Variants in ERBB4 observed in about 807,000 individuals in gnomAD.
ERBB4 encodes receptor tyrosine-protein kinase erbB-4.
A neutral mutation model predicts 158.0 loss-of-function variants in ERBB4; 42 were observed. The observed-to-expected ratio is 0.27, with a 90% CI of 0.21 to 0.34. The LOEUF is 0.34. Ranked by LOEUF, ERBB4 falls within the 10% of genes least tolerant of loss-of-function variation. The pLI is 1.00. For synonymous variants in ERBB4, 583 were observed against 558.7 expected (o/e 1.04, Z -0.61); for missense variants, 1,333 against 1,624.1 (o/e 0.82, Z 3.08).
chr2:212,513,602 G>C (rs186381949), intron 1 of ERBB4, among the ~76,000 whole-genome samples: 1 of 152,202 alleles, frequency 6.6e-6, no homozygotes, highest in East Asian at 1.9e-4. Flanking sequence ...CAAGAGGTCA[G>C]GAGATCGAGA....
In ERBB4 at chr2:211,702,084, T is replaced by C; in HGVS notation, c.1372A>G (p.Ile458Val). The C allele has an allele frequency of 6.2e-7, 1 of 1,614,034 alleles. No homozygotes were observed. The highest frequency in any genetic ancestry group is 8.5e-7 in the Non-Finnish European group (1 of 1,179,900). ...AGGTTGCTGTTGTCAGTAATATAGA[T>C]GTTTCCTGCGCTGATTTCCTTCAGG... ...QSLKEISAGN[I>V]YITDNSNLCY... The change falls in exon 12 of 28, where the codon ATC (isoleucine) becomes GTC (valine). Residue 458 changes from isoleucine to valine, a missense_variant. Transcript: ENST00000342788.
intron 1 of ERBB4, among the ~76,000 whole-genome samples, chr2:212,394,406 T>C (rs1460535059): frequency 6.6e-6 from 1 of 152,102 alleles, no homozygotes; most frequent in African/African-American, 2.4e-5. Flanking sequence ...TAGGAATTAT[T>C]AACCATTTTG....
At chr2:212,057,567 T>C (rs938237965) in intron 2 of ERBB4, among the ~76,000 whole-genome samples, 1 of 151,974 alleles carries the variant, frequency 6.6e-6, no homozygotes, top group African/African-American at 2.4e-5. Flanking sequence ...GAACAGAAAT[T>C]ATAACAAACT....
chr2:211,978,546 C>G (rs554075459), intron 2 of ERBB4, among the ~76,000 whole-genome samples: 1 of 152,086 alleles, frequency 6.6e-6, no homozygotes, highest in African/African-American at 2.4e-5. Context: ...ACCTTAGTCT[C>G]CCAAGTAGCT....
At chr2:212,218,841 A>G (rs1322829177) in intron 1 of ERBB4, among the ~76,000 whole-genome samples, 1 of 151,388 alleles carries the variant, frequency 6.6e-6, no homozygotes, top group Non-Finnish European at 1.5e-5. Context: ...AATATATAGA[A>G]TGGGGATATT....
chr2:212,507,787 A>G (rs2106265729), intron 1 of ERBB4, among the ~76,000 whole-genome samples: 1 of 152,328 alleles, frequency 6.6e-6, no homozygotes, highest in East Asian at 1.9e-4. Context: ...TATACTATAA[A>G]CATGGTTGAA....
chr2:212,293,762 T>A (rs2086293036), intron 1 of ERBB4, among the ~76,000 whole-genome samples: 1 of 146,338 alleles, frequency 6.8e-6, no homozygotes, highest in Non-Finnish European at 1.5e-5. Flanking sequence ...GCAGGGGAAT[T>A]GCTTGAACCT....
intron 2 of ERBB4, among the ~76,000 whole-genome samples, chr2:211,957,258 A>C (rs1168728147): frequency 1.3e-5 from 2 of 152,082 alleles, no homozygotes; most frequent in Non-Finnish European, 2.9e-5. Flanking sequence ...CTAATCCAAT[A>C]TAACCAGTGT....
chr2:212,387,875 A>G (rs2106429407), intron 1 of ERBB4, among the ~76,000 whole-genome samples: 1 of 152,272 alleles, frequency 6.6e-6, no homozygotes, highest in East Asian at 1.9e-4. Context: ...GATTAACGGC[A>G]AAGATGGCTG....
chr2:212,057,593 G>A (rs949752263), intron 2 of ERBB4, among the ~76,000 whole-genome samples: 1 of 152,186 alleles, frequency 6.6e-6, no homozygotes, highest in Admixed American at 6.5e-5. Context: ...TCAGACCACA[G>A]TGCAATCAAA....
chr2:212,476,604 T>A (rs1036934833), intron 1 of ERBB4, among the ~76,000 whole-genome samples: 8 of 152,178 alleles, frequency 5.3e-5, no homozygotes, highest in African/African-American at 7.2e-5. Flanking sequence ...TTAGATTGTA[T>A]GTCTCAGTTT....
intron 1 of ERBB4, among the ~76,000 whole-genome samples, chr2:212,443,480 T>C (rs1234328998): frequency 6.6e-6 from 1 of 152,214 alleles, no homozygotes; most frequent in Non-Finnish European, 1.5e-5. Context: ...GTTGCTGCAC[T>C]TGGCCCCTCC....
chr2:212,321,600 G>T (rs2087570484), intron 1 of ERBB4, among the ~76,000 whole-genome samples: 1 of 150,402 alleles, frequency 6.6e-6, no homozygotes, highest in African/African-American at 2.4e-5. Context: ...TGGAAGCTGA[G>T]ATCACTTGCA....
intron 4 of ERBB4, among the ~76,000 whole-genome samples, chr2:211,768,115 G>C (rs2075599804): frequency 6.6e-6 from 1 of 152,176 alleles, no homozygotes; most frequent in South Asian, 2.1e-4. Context: ...GGCTCCAGGT[G>C]CCATTCAAGT....
intron 2 of ERBB4, among the ~76,000 whole-genome samples, chr2:211,986,662 T>C (rs949867586): frequency 6.6e-6 from 1 of 152,188 alleles, no homozygotes; most frequent in African/African-American, 2.4e-5. Context: ...AATTCTTTAC[T>C]GTAATTTTCT....
chr2:211,619,645 C>T lies in ERBB4; in HGVS notation c.2203-370G>A, dbSNP rs541171083. On this transcript the variant is annotated intron_variant, in intron 18 of 27. Coordinates refer to ENST00000342788, the MANE Select transcript of ERBB4 (RefSeq NM_005235.3). ...GATGGTTGCTCTACTTTTTGAAGCT[C>T]AGTTGTATCATCTGTAATTTAGAAG... is the stretch of plus-strand genomic sequence containing the variant. 6.6e-5 allele frequency among the ~76,000 whole-genome samples: 10 copies of T among 152,076 alleles called. No individual in the cohort carries two copies. In the South Asian group the frequency reaches 2.1e-3, roughly 32 times the overall value.
intron 3 of ERBB4, among the ~76,000 whole-genome samples, chr2:211,828,410 T>G (rs1199014597): frequency 5.9e-5 from 9 of 152,122 alleles, no homozygotes; most frequent in Admixed American, 5.9e-4. Flanking sequence ...CAAATTTTCT[T>G]CCAGAGCCTG....
At chr2:211,977,011 A>G (rs918173505) in intron 2 of ERBB4, among the ~76,000 whole-genome samples, 1 of 152,212 alleles carries the variant, frequency 6.6e-6, no homozygotes, top group Non-Finnish European at 1.5e-5. Context: ...TTATGTAAAT[A>G]TGATTTAAGA....
intron 1 of ERBB4, among the ~76,000 whole-genome samples, chr2:212,376,737 T>G (rs1393322687): frequency 6.6e-6 from 1 of 152,036 alleles, no homozygotes; most frequent in African/African-American, 2.4e-5. Flanking sequence ...CCTCAGTTTT[T>G]TAGGAATGGA....
Sources: allele counts gnomAD v4.1 joint callset (sites outside exome capture counted in the v4.1 genomes callset), GRCh38; gene constraint gnomAD v4.1.1; transcripts MANE v1.5; gene names NCBI Gene and HGNC (gene_info 2026-07-23, HGNC 2026-07-21).